Variants in DCX observed in about 807,000 individuals in gnomAD.
DCX encodes neuronal migration protein doublecortin.
Under a neutral mutation model 20.9 loss-of-function variants are expected in DCX, and 4 were observed. That is an observed-to-expected ratio of 0.19 (90% CI 0.09 to 0.44). The LOEUF (loss-of-function observed/expected upper bound fraction) is 0.44. DCX is among the 20% of genes least tolerant of loss of function. The pLI, the probability that DCX is intolerant of heterozygous loss-of-function variation, is 0.99. For synonymous variants in DCX, 103 were observed against 111.4 expected (o/e 0.92, Z 0.47); for missense variants, 133 against 296.9 (o/e 0.45, Z 4.06).
chrX:111,386,047 C>T (rs1926483619), intron 3 of DCX, among the ~76,000 whole-genome samples: 1 of 111,769 alleles, frequency 8.9e-6, no homozygotes, highest in Admixed American at 9.5e-5. Flanking sequence ...AACTAGCTAC[C>T]CCACATCATT....
At chrX:111,314,504 A>G (rs1251202102) in intron 5 of DCX, among the ~76,000 whole-genome samples, 2 of 111,664 alleles carry the variant, frequency 1.8e-5, no homozygotes, top group African/African-American at 6.5e-5. Flanking sequence ...TAGGCAAATC[A>G]ATAGAGACAG....
Position 111,310,469 on chromosome X carries a change from C to T in DCX, c.1044+2170G>A, listed in dbSNP as rs752664095. 6.3e-5 allele frequency among the ~76,000 whole-genome samples: 7 copies of T among 111,050 alleles called. No individual in the cohort carries two copies. The East Asian group carries it at 1.7e-3, about 27-fold the overall frequency. ...GAACATAAAAAATAAGTAAATGAGG[C>T]AAAATATAAACAACTAGTGAATCCC... On this transcript the variant is annotated intron_variant, in intron 6 of 6. Coordinates refer to ENST00000636035, the MANE Select transcript of DCX (RefSeq NM_001195553.2).
At chrX:111,345,612 C>A in intron 3 of DCX, among the ~76,000 whole-genome samples, 1 of 111,591 alleles carries the variant, frequency 9.0e-6, no homozygotes. Flanking sequence ...CAGAATAAGA[C>A]GTTTACATGG....
chrX:111,390,135 C>G (rs373818585), intron 3 of DCX, among the ~76,000 whole-genome samples: 1 of 111,492 alleles, frequency 9.0e-6, no homozygotes, highest in Non-Finnish European at 1.9e-5. Flanking sequence ...ATCTGATGTA[C>G]GTTGTTGGCT....
At chrX:111,363,429 G>T (rs1005178870) in intron 3 of DCX, among the ~76,000 whole-genome samples, 3 of 109,487 alleles carry the variant, frequency 2.7e-5, no homozygotes, top group East Asian at 5.9e-4. Flanking sequence ...AACAGTTCAA[G>T]AGGGTGTATG....
At chrX:111,401,815 A>G (rs765189102) in intron 2 of DCX, among the ~76,000 whole-genome samples, 1 of 112,624 alleles carries the variant, frequency 8.9e-6, no homozygotes, top group Non-Finnish European at 1.9e-5. Context: ...TTTTATGCCA[A>G]GTTAAAATGA....
At position 111,384,005 on chromosome X, in the gene DCX, C is replaced by T. The variant is rs191203317; in HGVS notation, c.705+16985G>A. 2.4e-4 allele frequency among the ~76,000 whole-genome samples: 27 copies of T among 111,353 alleles called. No individual in the cohort carries two copies. In the East Asian group the frequency reaches 2.8e-3, roughly 12 times the overall value. On this transcript the variant is annotated intron_variant, in intron 3 of 6. Transcript: ENST00000636035. ...ACTGAGACACAGAGGGGTTAAAGGA[C>T]GGCTGAAGTTCAAAAACTAAATCAC...
intron 3 of DCX, among the ~76,000 whole-genome samples, chrX:111,351,171 G>A (rs183645698): frequency 5.6e-4 from 63 of 111,944 alleles, no homozygotes; most frequent in Middle Eastern, 4.7e-3. Flanking sequence ...TGGAAGATAG[G>A]TAAGAGGATA....
chrX:111,304,423 C>T (rs995584621), intron 6 of DCX, among the ~76,000 whole-genome samples: 3 of 111,861 alleles, frequency 2.7e-5, no homozygotes, highest in African/African-American at 9.8e-5. Flanking sequence ...TTCAACTTGC[C>T]TTATTTCCAT....
At chrX:111,336,887 C>A (rs1921780904) in intron 3 of DCX, among the ~76,000 whole-genome samples, 1 of 109,927 alleles carries the variant, frequency 9.1e-6, no homozygotes, top group Admixed American at 9.7e-5. Flanking sequence ...ATTACTGTAA[C>A]AATAACCAAG....
chrX:111,391,326 G>A (rs973384250), intron 3 of DCX, among the ~76,000 whole-genome samples: 1 of 111,178 alleles, frequency 9.0e-6, no homozygotes, highest in Non-Finnish European at 1.9e-5. Context: ...GTTTCCTGAG[G>A]CCTTCCAGTC....
rs780994284 is a variant in DCX, at chrX:111,330,958, G to A, written c.892C>T (p.Pro298Ser). Residue 298 changes from proline to serine, a missense_variant, in exon 5 of 7, where the codon CCT becomes TCT. Physicochemically the swap from Pro to Ser is moderately conservative, Grantham distance 74. Around this residue, in one of 2 missense-constraint regions of DCX, gnomAD observed 68 missense variants for 84.3 expected, o/e 0.81. Coordinates refer to ENST00000636035, the MANE Select transcript of DCX (RefSeq NM_001195553.2). Reference protein sequence around the residue: ...PTPQKTSAKSPGPMRRSKSPA... With the variant: ...PTPQKTSAKSSGPMRRSKSPA... The stretch of plus-strand genomic sequence containing the variant: ...GACTTGCTTCGGCGCATAGGACCAG[G>A]GCTCTTGGCTGAAGTCTTCTGAGGT... The A allele has an allele frequency of 2.0e-5, 24 of 1,210,534 alleles. No individual in the cohort carries two copies. The South Asian group carries it at 3.0e-4, about 15-fold the overall frequency.
chrX:111,316,091 A>AATT (rs1556369825), intron 5 of DCX, among the ~76,000 whole-genome samples: 1 of 96,572 alleles, frequency 1.0e-5, no homozygotes, highest in Non-Finnish European at 2.0e-5. Context: ...AAAAATAAAA[A>AATT]AAAAAAAAAA....
chrX:111,352,009 G>A (rs1160410050), intron 3 of DCX, among the ~76,000 whole-genome samples: 3 of 112,134 alleles, frequency 2.7e-5, no homozygotes, highest in African/African-American at 9.7e-5. Flanking sequence ...ACAGGAGGGA[G>A]CCACTGTGCC....
At chrX:111,313,689 C>A (rs920619613) in intron 5 of DCX, among the ~76,000 whole-genome samples, 1 of 111,239 alleles carries the variant, frequency 9.0e-6, no homozygotes, top group African/African-American at 3.3e-5. Flanking sequence ...TTTTTAATAT[C>A]CAATCATGAA....
chrX:111,374,173 A>C (rs1382425411), intron 3 of DCX, among the ~76,000 whole-genome samples: 1 of 111,946 alleles, frequency 8.9e-6, no homozygotes, highest in Non-Finnish European at 1.9e-5. Flanking sequence ...GAAGTTATTA[A>C]AATAGAGCCC....
chrX:111,387,460 G>T (rs1204725401), intron 3 of DCX, among the ~76,000 whole-genome samples: 1 of 111,465 alleles, frequency 9.0e-6, no homozygotes, highest in Non-Finnish European at 1.9e-5. Flanking sequence ...ACCTGCTAGA[G>T]AACTCACACT....
chrX:111,341,325 A>T (rs1375442479), intron 3 of DCX, among the ~76,000 whole-genome samples: 2 of 110,444 alleles, frequency 1.8e-5, no homozygotes, highest in Non-Finnish European at 3.8e-5. Context: ...AGACTAGAGG[A>T]AAAAGAATGA....
rs1202695738 is a variant in DCX, at chrX:111,300,881, G to A, written c.*806C>T. On this transcript the variant is annotated 3_prime_UTR_variant, in exon 7 of 7. Transcript: ENST00000636035. ...GATACCATACAGTTCATGTAATCAT[G>A]TGGTATGTTAGACAGCCTTCTAGAG... 1 of 112,380 alleles carries A rather than the reference G, an allele frequency of 8.9e-6. No homozygotes were observed. The highest frequency in any genetic ancestry group is 1.9e-5 in the Non-Finnish European group (1 of 53,338). The allele number at this position is 112,380 out of a possible 1,213,427, so 9.3% of individuals were successfully genotyped here.
Sources: allele counts gnomAD v4.1 joint callset (sites outside exome capture counted in the v4.1 genomes callset), GRCh38; gene constraint gnomAD v4.1.1; regional missense constraint gnomAD v4.1.1; transcripts MANE v1.5; gene names NCBI Gene and HGNC (gene_info 2026-07-23, HGNC 2026-07-21).